The following NSDHL variants were observed in gnomAD, a reference collection of about 807,000 sequenced individuals.
NSDHL encodes the protein NAD(P) dependent 3-beta-hydroxysteroid dehydrogenase NSDHL.
Under a neutral mutation model 23.0 loss-of-function variants are expected in NSDHL, and 1 was observed. The observed-to-expected ratio is 0.04, with a 90% CI of 0.02 to 0.21. The LOEUF (loss-of-function observed/expected upper bound fraction) is 0.21, where lower values mean the gene tolerates loss of function less well. NSDHL is among the 10% of genes least tolerant of loss of function. The pLI is 1.00. For synonymous variants in NSDHL, 128 were observed against 121.1 expected, an observed-to-expected ratio of 1.06 and a Z score of -0.37; for missense variants, 237 against 300.9, an observed-to-expected ratio of 0.79 and a Z score of 1.57.
chrX:152,833,608 G>A (rs1358264224), intron 1 of NSDHL, among the ~76,000 whole-genome samples: 1 of 112,149 alleles, frequency 8.9e-6, no homozygotes, highest in Admixed American at 9.4e-5. Flanking sequence ...CCATCACTTT[G>A]TCCTTCCCAC....
Position 152,869,348 on chromosome X carries a change from C to T in NSDHL, c.*232C>T, listed in dbSNP as rs782661738. The T allele has an allele frequency of 3.0e-5, 13 of 435,348 alleles. No individual in the cohort carries two copies. Among genetic ancestry groups the T allele is most frequent in the East Asian group, 7.9e-5 (2 of 25,289 alleles). 35.9% of individuals were successfully genotyped at this position (435,348 alleles called of 1,213,427 possible). A position where few individuals can be genotyped will look rare whatever the true frequency, so the allele number is the denominator to read the frequency against. ...TGAAGCAGGCAGCTTCATATTATAC[C>T]GATTTGTTCTCTGTCTTTTTGTGTC... is the stretch of plus-strand genomic sequence containing the variant. On this transcript the variant is annotated 3_prime_UTR_variant, in exon 8 of 8. Transcript: ENST00000370274.
intron 3 of NSDHL, among the ~76,000 whole-genome samples, chrX:152,851,296 G>A (rs1389601193): frequency 8.9e-6 from 1 of 111,871 alleles, no homozygotes; most frequent in Non-Finnish European, 1.9e-5. Flanking sequence ...TGTCCTCCCT[G>A]ACCAAGTAAC....
At chrX:152,863,222 G>A (rs1276074747) in intron 5 of NSDHL, among the ~76,000 whole-genome samples, 2 of 111,941 alleles carry the variant, frequency 1.8e-5, no homozygotes, top group African/African-American at 6.5e-5. Context: ...ACTGTTCTGA[G>A]TGTTTTCCAG....
chrX:152,862,642 A>G lies in NSDHL; in HGVS notation c.461A>G (p.Asp154Gly). 8.3e-7 allele frequency: 1 copy of G among 1,202,565 alleles called. No individual in the cohort carries two copies. Residue 154 changes from aspartate to glycine, a missense_variant, in exon 5 of 8, where the codon GAT becomes GGT. Around this residue, in one of 3 missense-constraint regions of NSDHL, gnomAD observed 39 missense variants for 98.1 expected, o/e 0.40. Coordinates refer to ENST00000370274, the MANE Select transcript of NSDHL (RefSeq NM_015922.3). ...SSASVIFEGV[D>G]IKNGTEDLPY... is the part of the protein sequence containing the mutation. ...GCCAGTGTCATCTTTGAGGGCGTCG[A>G]TATCAAGAATGGAACTGAAGACCTT...
chrX:152,858,953 C>T lies in NSDHL; in HGVS notation c.414+37C>T, dbSNP rs374291828. On this transcript the variant is annotated intron_variant, in intron 4 of 7. Coordinates refer to ENST00000370274, the MANE Select transcript of NSDHL (RefSeq NM_015922.3). ...GCTGGAGTGAGTGCTGTCAGGAGCACGTGATGGCCCTTTCTAAGGGTGCAA... is the reference window on the plus strand; with the variant it reads ...GCTGGAGTGAGTGCTGTCAGGAGCATGTGATGGCCCTTTCTAAGGGTGCAA... 8.5e-5 allele frequency: 97 copies of T among 1,136,109 alleles called. No individual in the cohort carries two copies. The South Asian group carries it at 1.0e-3, about 12-fold the overall frequency. 93.6% of individuals were successfully genotyped at this position (1,136,109 alleles called of 1,213,427 possible).
intron 1 of NSDHL, among the ~76,000 whole-genome samples, chrX:152,843,591 GTA>G (rs1933226837): frequency 9.0e-6 from 1 of 111,607 alleles, no homozygotes; most frequent in South Asian, 3.8e-4. Context: ...TTTCCCCTCT[GTA>G]TGTCTCTTAT....
Sources: allele counts gnomAD v4.1 joint callset (sites outside exome capture counted in the v4.1 genomes callset), GRCh38; gene constraint gnomAD v4.1.1; regional missense constraint gnomAD v4.1.1; transcripts MANE v1.5; gene names NCBI Gene and HGNC (gene_info 2026-07-23, HGNC 2026-07-21).